The following GAB2 variants were observed in gnomAD, a reference collection of about 807,000 sequenced individuals.
GAB2 encodes the protein GRB2 associated binding protein 2.
GAB2 carries 26 observed loss-of-function variants against 65.5 expected under a neutral mutation model. That is an observed-to-expected ratio of 0.40 (90% CI 0.29 to 0.55). The LOEUF is 0.55. Among genes scored for constraint, GAB2 ranks in the 20% least tolerant of loss-of-function variants. The pLI is 0.53. For missense variants in GAB2, 884 were observed against 875.8 expected, an observed-to-expected ratio of 1.01 and a Z score of -0.12; for synonymous variants, 321 against 329.6, an observed-to-expected ratio of 0.97 and a Z score of 0.28.
At chr11:78,295,515 T>C (rs1866801289) in intron 1 of GAB2, among the ~76,000 whole-genome samples, 1 of 152,218 alleles carries the variant, frequency 6.6e-6, no homozygotes, top group African/African-American at 2.4e-5. Flanking sequence ...TCAACATTTA[T>C]GAAATCCAGT....
intron 1 of GAB2, among the ~76,000 whole-genome samples, chr11:78,353,503 AATGATACGATTC>A (rs1856312477): frequency 6.6e-6 from 1 of 152,200 alleles, no homozygotes; most frequent in African/African-American, 2.4e-5. Flanking sequence ...TTTACAGACT[AATGATACGATTC>A]ATGATAAAAT....
chr11:78,345,890 T>C lies in GAB2; in HGVS notation c.76-64989A>G, dbSNP rs1477534111. ...AGATTGGTGTTTCTCAGGGCTCTGTTTCCCAAGACAGAGGTATAACTCTCC... is the reference window on the plus strand; with the variant it reads ...AGATTGGTGTTTCTCAGGGCTCTGTCTCCCAAGACAGAGGTATAACTCTCC... On this transcript the variant is annotated intron_variant, in intron 1 of 9. Transcript: ENST00000361507. 5.3e-5 allele frequency among the ~76,000 whole-genome samples: 8 copies of C among 152,150 alleles called. No homozygotes were observed. The East Asian group carries it at 7.7e-4, about 15-fold the overall frequency.
At chr11:78,337,799 C>T (rs990492743) in intron 1 of GAB2, among the ~76,000 whole-genome samples, 6 of 152,130 alleles carry the variant, frequency 3.9e-5, no homozygotes, top group Non-Finnish European at 7.4e-5. Flanking sequence ...AAGCCATGTA[C>T]ATTTTTAAAA....
At chr11:78,417,236 G>A (rs934597313) in intron 1 of GAB2, among the ~76,000 whole-genome samples, 1 of 152,042 alleles carries the variant, frequency 6.6e-6, no homozygotes, top group Non-Finnish European at 1.5e-5. Flanking sequence ...CGGCCCCACA[G>A]CCTACGCCCC....
intron 1 of GAB2, among the ~76,000 whole-genome samples, chr11:78,373,168 C>G (rs1231066959): frequency 6.6e-6 from 1 of 151,248 alleles, no homozygotes; most frequent in East Asian, 1.9e-4. Context: ...GTTTATGGAG[C>G]AAACAACTCT....
intron 1 of GAB2, chr11:78,318,369 C>CAAAAAGAAAAAAAAAAAAAAAAA (rs1855654578): frequency 2.1e-5 from 1 of 47,676 alleles, no homozygotes; most frequent in Non-Finnish European, 4.0e-5. Context: ...TGTTAAATGC[C>CAAAAAGAAAAAAAAAAAAAAAAA]AAAAAAAAAA....
intron 3 of GAB2, among the ~76,000 whole-genome samples, chr11:78,242,410 G>A (rs1479980684): frequency 1.3e-5 from 2 of 152,052 alleles, no homozygotes; most frequent in Non-Finnish European, 2.9e-5. Context: ...GTTGAGGCAG[G>A]AGAATGGTGT....
chr11:78,271,961 AAG>A (rs546904152), intron 2 of GAB2, among the ~76,000 whole-genome samples: 69 of 152,338 alleles, frequency 4.5e-4, no homozygotes, highest in African/African-American at 1.4e-3. Flanking sequence ...TGGTTTTAAA[AAG>A]AGGAGTTCCC....
chr11:78,226,620 G>GGGGGGGGGGGGGGGGGCCC lies in GAB2; in HGVS notation c.1051_1052insGGGCCCCCCCCCCCCCCCC (p.Pro351ArgfsTer33). ...ACTTGGCTTGGGGGGGCGGGGTGGG[G>GGGGGGGGGGGGGGGGGCCC]GAGCTATGGCTGAGTCCCCAGGAGT... On this transcript the variant is annotated frameshift_variant, in exon 4 of 10. Transcript: ENST00000361507. LOFTEE classifies it high-confidence loss of function. 1 of 1,500,466 alleles carries GGGGGGGGGGGGGGGGGCCC rather than the reference G, an allele frequency of 6.7e-7. No homozygotes were observed. Among genetic ancestry groups the GGGGGGGGGGGGGGGGGCCC allele is most frequent in the Non-Finnish European group, 9.3e-7 (1 of 1,078,942 alleles). The allele number at this position is 1,500,466 out of a possible 1,614,324, so 92.9% of individuals were successfully genotyped here.
At chr11:78,343,362 G>T (rs550048799) in intron 1 of GAB2, among the ~76,000 whole-genome samples, 1 of 134,480 alleles carries the variant, frequency 7.4e-6, no homozygotes, top group Non-Finnish European at 1.6e-5. Context: ...AAGGAATAAT[G>T]TAATTAGGGG....
chr11:78,360,202 C>T (rs2134715727), intron 1 of GAB2, among the ~76,000 whole-genome samples: 1 of 152,158 alleles, frequency 6.6e-6, no homozygotes, highest in Admixed American at 6.5e-5. Flanking sequence ...TTATTCTCTC[C>T]TGAACTGTAA....
chr11:78,248,922 C>T (rs965419651), intron 3 of GAB2, among the ~76,000 whole-genome samples: 1 of 152,190 alleles, frequency 6.6e-6, no homozygotes, highest in Non-Finnish European at 1.5e-5. Context: ...GTGACCTTGG[C>T]TAACTCACTC....
chr11:78,305,733 AT>A (rs1241169749), intron 1 of GAB2, among the ~76,000 whole-genome samples: 5 of 152,102 alleles, frequency 3.3e-5, no homozygotes, highest in Non-Finnish European at 5.9e-5. Flanking sequence ...TTTTTAGATA[AT>A]TTTTCATCTT....
In GAB2 at chr11:78,280,495, C is replaced by T. The variant is rs1481653696; in HGVS notation, c.376+106G>A. The T allele has an allele frequency of 3.3e-5, 30 of 898,194 alleles. 1 individual carries two copies. The highest frequency in any genetic ancestry group is 1.2e-4 in the African/African-American group (7 of 60,044). 55.6% of individuals were successfully genotyped at this position (898,194 alleles called of 1,614,324 possible). On this transcript the variant is annotated intron_variant, in intron 2 of 9. Transcript: ENST00000361507. ...ACACTCTTTACCCTTTATCTATGAA[C>T]GCTCTTCCAACAGGAAACCTTAGCT...
intron 1 of GAB2, among the ~76,000 whole-genome samples, chr11:78,342,449 G>A (rs943713319): frequency 2.4e-5 from 3 of 125,912 alleles, no homozygotes; most frequent in Non-Finnish European, 4.7e-5. Context: ...TCGCTTTGTC[G>A]CCCAGGCTGG....
chr11:78,271,324 C>A (rs1193903097), intron 2 of GAB2, among the ~76,000 whole-genome samples: 1 of 152,214 alleles, frequency 6.6e-6, no homozygotes. Flanking sequence ...GAGGTTCTTT[C>A]ATTTGTACAC....
In GAB2 at chr11:78,346,697, ATATATATATATATATATATATATAATTTT is replaced by A. The variant is rs1261373639; in HGVS notation, c.76-65825_76-65797del. Among the ~76,000 whole-genome samples, 39 of 93,088 alleles carry A rather than the reference ATATATATATATATATATATATATAATTTT, an allele frequency of 4.2e-4. 1 individual carries two copies. Among genetic ancestry groups the A allele is most frequent in the African/African-American group, 2.7e-3 (37 of 13,636 alleles). The allele number at this position is 93,088 out of a possible 152,430, so 61.1% of individuals were successfully genotyped here. A position where few individuals can be genotyped will look rare whatever the true frequency, so the allele number is the denominator to read the frequency against. ...TCCATATATATATATATATATATAT[ATATATATATATATATATATATATAATTTT>A]TTTTTTTTTTAGGAAAAGAAACAAA... On this transcript the variant is annotated intron_variant, in intron 1 of 9. Transcript: ENST00000361507.
chr11:78,303,838 G>C (rs951242342), intron 1 of GAB2, among the ~76,000 whole-genome samples: 1 of 152,152 alleles, frequency 6.6e-6, no homozygotes, highest in Non-Finnish European at 1.5e-5. Flanking sequence ...CGTTGGCAAA[G>C]CAACAGATGA....
At chr11:78,234,362 C>T (rs1041150440) in intron 3 of GAB2, among the ~76,000 whole-genome samples, 8 of 152,118 alleles carry the variant, frequency 5.3e-5, no homozygotes, top group South Asian at 2.1e-4. Flanking sequence ...GGATTACAGG[C>T]GTGAACTACT....
Sources: gnomAD v4.1 joint callset for allele counts (sites outside exome capture counted in the v4.1 genomes callset) on GRCh38, gnomAD v4.1.1 for gene constraint, MANE v1.5 for transcripts, NCBI Gene and HGNC (gene_info 2026-07-23, HGNC 2026-07-21) for gene names.